Variants in IQSEC1 observed in about 807,000 individuals in gnomAD.
The protein encoded by IQSEC1 is IQ motif and Sec7 domain ArfGEF 1.
Under a neutral mutation model 91.0 loss-of-function variants are expected in IQSEC1, and 31 were observed. The ratio of observed to expected loss-of-function variants is 0.34; its 90% CI spans 0.26 to 0.46. IQSEC1 has a LOEUF of 0.46. Ranked by LOEUF, IQSEC1 falls within the 20% of genes least tolerant of loss-of-function variation. The probability of loss-of-function intolerance (pLI) is 1.00; values close to 1 mark genes in which losing one functional copy is unlikely to be tolerated. For synonymous variants in IQSEC1, 699 were observed against 662.6 expected, an observed-to-expected ratio of 1.05 and a Z score of -0.84; for missense variants, 1,388 against 1,575.6, an observed-to-expected ratio of 0.88 and a Z score of 2.02.
chr3:13,075,760 G>A (rs1483015730), upstream of IQSEC1, among the ~76,000 whole-genome samples: 1 of 152,184 alleles, frequency 6.6e-6, no homozygotes, highest in Non-Finnish European at 1.5e-5. Flanking sequence ...GCACTGGCGC[G>A]GTTTTGATTT....
chr3:12,901,539 T>A lies in IQSEC1; in HGVS notation c.2806-17A>T, dbSNP rs1694306567. 6.5e-7 allele frequency: 1 copy of A among 1,536,866 alleles called. No homozygotes were observed. The highest frequency in any genetic ancestry group is 2.1e-5 in the Admixed American group (1 of 47,752). ...GATGGACCCCTAAAAAGGAAATTCA[T>A]AGAAATCAAAATTAAAAGATCTTCA... On this transcript the variant is annotated splice_polypyrimidine_tract_variant and intron_variant, in intron 13 of 13. Coordinates refer to ENST00000613206, the MANE Select transcript of IQSEC1 (RefSeq NM_001134382.3).
At chr3:13,249,216 G>A (rs979254490) in intron 1 of IQSEC1, among the ~76,000 whole-genome samples, 8 of 137,406 alleles carry the variant, frequency 5.8e-5, no homozygotes, top group Admixed American at 1.6e-4. Flanking sequence ...CTGTCACCCA[G>A]GCTGGAGTGC....
chr3:13,220,342 T>G (rs1694633943), intron 1 of IQSEC1, among the ~76,000 whole-genome samples: 1 of 152,186 alleles, frequency 6.6e-6, no homozygotes, highest in South Asian at 2.1e-4. Flanking sequence ...ATTTGAGACT[T>G]GGGGCCCAGG....
chr3:13,214,691 G>A lies in IQSEC1; in HGVS notation c.273-50558C>T, dbSNP rs575826863. On this transcript the variant is annotated intron_variant, in intron 1 of 15. Coordinates refer to the IQSEC1 transcript ENST00000648114. The surrounding 1 kb of genome is among the most constrained non-coding windows in gnomAD (Gnocchi z 4.5). The stretch of plus-strand genomic sequence containing the variant: ...AGGGGCCACTGTGGCACACGAGCTG[G>A]TGTCCGGTGGAGCACGGTCTCCAGG... 6.6e-6 allele frequency among the ~76,000 whole-genome samples: 1 copy of A among 152,252 alleles called. No individual in the cohort carries two copies. The highest frequency in any genetic ancestry group is 2.4e-5 in the African/African-American group (1 of 41,474).
intron 1 of IQSEC1, among the ~76,000 whole-genome samples, chr3:13,017,658 G>A (rs1255418793): frequency 2.0e-5 from 3 of 152,202 alleles, no homozygotes; most frequent in African/African-American, 7.2e-5. Context: ...ACAGTGTCAG[G>A]CACAGAGTAG....
At chr3:13,257,442 C>T (rs967473951) in intron 1 of IQSEC1, among the ~76,000 whole-genome samples, 2 of 151,694 alleles carry the variant, frequency 1.3e-5, no homozygotes, top group African/African-American at 4.9e-5. Context: ...CCTCACATGG[C>T]CCTCCTAGCT....
chr3:13,109,585 C>T (rs1305184612), intron 2 of IQSEC1, among the ~76,000 whole-genome samples: 6 of 152,076 alleles, frequency 3.9e-5, no homozygotes, highest in African/African-American at 1.2e-4. Context: ...ATGCTTGATG[C>T]TGTCTTCCTG....
chr3:13,067,478 G>A (rs1328912464), intron 1 of IQSEC1, among the ~76,000 whole-genome samples: 4 of 152,258 alleles, frequency 2.6e-5, no homozygotes. Context: ...GCTGGGGGCA[G>A]CCATGCCACA....
chr3:12,999,657 A>C (rs1226299273), intron 1 of IQSEC1, among the ~76,000 whole-genome samples: 1 of 152,098 alleles, frequency 6.6e-6, no homozygotes, highest in Non-Finnish European at 1.5e-5. Flanking sequence ...CCTGCACTTT[A>C]TAGCTGTCCA....
intron 8 of IQSEC1, among the ~76,000 whole-genome samples, chr3:12,914,501 T>G (rs1695879118): frequency 6.6e-6 from 1 of 151,572 alleles, no homozygotes; most frequent in Non-Finnish European, 1.5e-5. Flanking sequence ...GTTGCAAAGG[T>G]ATGAAGGAGA....
chr3:13,274,354 A>G (rs1270746916), intron 1 of IQSEC1, among the ~76,000 whole-genome samples: 1 of 152,188 alleles, frequency 6.6e-6, no homozygotes. Context: ...AGTGACTTGC[A>G]AGGACCCTCC....
Position 12,940,274 on chromosome 3 carries a change from G to A in IQSEC1, c.318+1297C>T, listed in dbSNP as rs1698630671. 6.6e-6 allele frequency among the ~76,000 whole-genome samples: 1 copy of A among 151,886 alleles called. No homozygotes were observed. The highest frequency in any genetic ancestry group is 2.1e-4 in the South Asian group (1 of 4,814). On this transcript the variant is annotated intron_variant, in intron 2 of 13. Transcript: ENST00000613206. The surrounding 1 kb of genome is among the most constrained non-coding windows in gnomAD (Gnocchi z 4.4). ...GGGCTTCCCTGTCAAGAGAGTGGAC[G>A]ACCCCCAACCCCAGGCAGTATCTGC...
intron 1 of IQSEC1, among the ~76,000 whole-genome samples, chr3:13,217,521 T>C (rs1213935018): frequency 6.6e-6 from 1 of 152,174 alleles, no homozygotes; most frequent in Non-Finnish European, 1.5e-5. Context: ...GCTTCTGCCT[T>C]AAACCACTGG....
intron 12 of IQSEC1, among the ~76,000 whole-genome samples, chr3:12,905,581 G>C (rs1459372551): frequency 6.6e-6 from 1 of 152,256 alleles, no homozygotes; most frequent in Non-Finnish European, 1.5e-5. Flanking sequence ...GTCTGATTCT[G>C]GCATCTGCGT....
chr3:13,157,991 A>G (rs357167), intron 2 of IQSEC1, among the ~76,000 whole-genome samples: 137,105 of 152,314 alleles, frequency 0.9, 61,959 homozygotes, highest in African/African-American at 0.97. Flanking sequence ...GAAGACTGTT[A>G]AATGAGTGTG....
intron 2 of IQSEC1, among the ~76,000 whole-genome samples, chr3:13,135,520 C>T (rs575807434): frequency 9.8e-5 from 15 of 152,366 alleles, no homozygotes; most frequent in East Asian, 7.7e-4. Flanking sequence ...CCATCAAAGG[C>T]CCCAGCTCTG....
chr3:13,224,070 G>A (rs1188755123), intron 1 of IQSEC1, among the ~76,000 whole-genome samples: 4 of 152,130 alleles, frequency 2.6e-5, no homozygotes. Context: ...CTGAGAAATG[G>A]AAGCAATGAG....
At chr3:13,035,892 C>A (rs897713593) in intron 1 of IQSEC1, among the ~76,000 whole-genome samples, 1 of 152,216 alleles carries the variant, frequency 6.6e-6, no homozygotes, top group Admixed American at 6.5e-5. Flanking sequence ...GACCCAGCCG[C>A]CATGTTTTGA....
At chr3:13,210,261 A>G (rs546249071) in intron 1 of IQSEC1, among the ~76,000 whole-genome samples, 30 of 152,064 alleles carry the variant, frequency 2.0e-4, no homozygotes, top group African/African-American at 7.0e-4. Context: ...CCAGTGAGGT[A>G]GAATGAACGC....
Sources: allele counts gnomAD v4.1 joint callset (sites outside exome capture counted in the v4.1 genomes callset), GRCh38; gene constraint gnomAD v4.1.1; non-coding constraint Gnocchi (gnomAD v3.1); transcripts MANE v1.5; gene names NCBI Gene and HGNC (gene_info 2026-07-23, HGNC 2026-07-21).